The following RELN variants were observed in gnomAD, a reference collection of about 807,000 sequenced individuals.
RELN encodes the protein reelin.
Under a neutral mutation model 427.6 loss-of-function variants are expected in RELN, and 108 were observed. The ratio of observed to expected loss-of-function variants is 0.25; its 90% CI spans 0.22 to 0.30. The LOEUF (loss-of-function observed/expected upper bound fraction) is 0.30. Among genes scored for constraint, RELN ranks in the 10% least tolerant of loss-of-function variants. The probability of loss-of-function intolerance (pLI) is 1.00; values close to 1 mark genes in which losing one functional copy is unlikely to be tolerated. For missense variants in RELN, 3,715 were observed against 4,302.8 expected, an observed-to-expected ratio of 0.86 and a Z score of 3.82; for synonymous variants, 1,524 against 1,513.4, an observed-to-expected ratio of 1.01 and a Z score of -0.16.
chr7:103,972,429 AT>A (rs1410558080), intron 1 of RELN, among the ~76,000 whole-genome samples: 1 of 152,242 alleles, frequency 6.6e-6, no homozygotes, highest in African/African-American at 2.4e-5. Flanking sequence ...ATTTCACTGG[AT>A]CTCATAACTA....
At chr7:103,810,546 C>T (rs921638341) in intron 3 of RELN, among the ~76,000 whole-genome samples, 1 of 152,142 alleles carries the variant, frequency 6.6e-6, no homozygotes, top group East Asian at 1.9e-4. Context: ...TCAGCAGAGC[C>T]GATCACAGGA....
intron 5 of RELN, among the ~76,000 whole-genome samples, chr7:103,752,370 G>A (rs1562991493): frequency 6.6e-6 from 1 of 152,100 alleles, no homozygotes; most frequent in Non-Finnish European, 1.5e-5. Context: ...AAAATCCATG[G>A]TGCCATTTTA....
At chr7:103,704,915 A>G (rs1834168445) in intron 8 of RELN, among the ~76,000 whole-genome samples, 1 of 152,134 alleles carries the variant, frequency 6.6e-6, no homozygotes, top group South Asian at 2.1e-4. Context: ...TTGCCAAATC[A>G]ACAGATTGCT....
intron 4 of RELN, among the ~76,000 whole-genome samples, chr7:103,774,134 A>G (rs1022576436): frequency 2.0e-5 from 3 of 151,934 alleles, no homozygotes; most frequent in Non-Finnish European, 2.9e-5. Flanking sequence ...CGTCTCTACT[A>G]AAAATACAAA....
intron 2 of RELN, among the ~76,000 whole-genome samples, chr7:103,909,734 AAT>A (rs1218599122): frequency 6.5e-5 from 2 of 30,590 alleles, no homozygotes; most frequent in Non-Finnish European, 6.0e-5. Flanking sequence ...TATATTTTTT[AAT>A]ATATATAAAT....
chr7:103,693,200 T>C (rs1334494179), intron 10 of RELN, among the ~76,000 whole-genome samples: 1 of 152,038 alleles, frequency 6.6e-6, no homozygotes, highest in Admixed American at 6.5e-5. Context: ...TGCAGGGACA[T>C]GGATGAAGCT....
intron 6 of RELN, among the ~76,000 whole-genome samples, chr7:103,737,446 G>A (rs1424897129): frequency 6.6e-6 from 1 of 152,302 alleles, no homozygotes; most frequent in East Asian, 1.9e-4. Context: ...AAATGGAGGA[G>A]TCTTCTGTTT....
intron 2 of RELN, among the ~76,000 whole-genome samples, chr7:103,866,345 G>C (rs1794196871): frequency 6.6e-6 from 1 of 151,988 alleles, no homozygotes; most frequent in African/African-American, 2.4e-5. Flanking sequence ...TTGCCTTTCT[G>C]GTTCTCCCAA....
chr7:103,673,325 C>G (rs1833435984), intron 11 of RELN, among the ~76,000 whole-genome samples: 1 of 151,902 alleles, frequency 6.6e-6, no homozygotes, highest in South Asian at 2.1e-4. Context: ...TTAAAGTTTT[C>G]TATTAACATT....
At chr7:103,769,370 G>C (rs1791508749) in intron 4 of RELN, among the ~76,000 whole-genome samples, 1 of 152,144 alleles carries the variant, frequency 6.6e-6, no homozygotes, top group Non-Finnish European at 1.5e-5. Flanking sequence ...TGAGGATACA[G>C]CATTCCTCCT....
At chr7:103,795,189 G>T (rs1240185609) in intron 3 of RELN, among the ~76,000 whole-genome samples, 1 of 152,178 alleles carries the variant, frequency 6.6e-6, no homozygotes, top group African/African-American at 2.4e-5. Context: ...GGGCAAAAGA[G>T]AAAAGAAAGA....
At chr7:103,514,814 T>C (rs1250373358) in intron 50 of RELN, among the ~76,000 whole-genome samples, 2 of 152,202 alleles carry the variant, frequency 1.3e-5, no homozygotes, top group South Asian at 2.1e-4. Context: ...ACACAATATT[T>C]GTCTTCAGAT....
At position 103,626,840 on chromosome 7, in the gene RELN, G is replaced by C. The variant is rs1832340610; in HGVS notation, c.2702+3100C>G. On this transcript the variant is annotated intron_variant, in intron 20 of 64. Coordinates refer to ENST00000428762, the MANE Select transcript of RELN (RefSeq NM_005045.4). This position sits in a 1 kb window ranked among gnomAD's most constrained non-coding sequence, Gnocchi z 4.4. ...TACTGATCTTAAAGTATATGTAAGA[G>C]GTTTTAAGGAATATTAGAACCTAAA... 6.6e-6 allele frequency among the ~76,000 whole-genome samples: 1 copy of C among 152,084 alleles called. No homozygotes were observed. Among genetic ancestry groups the C allele is most frequent in the African/African-American group, 2.4e-5 (1 of 41,452 alleles).
intron 1 of RELN, among the ~76,000 whole-genome samples, chr7:103,979,855 G>A (rs1179143127): frequency 6.6e-6 from 1 of 152,088 alleles, no homozygotes; most frequent in Non-Finnish European, 1.5e-5. Flanking sequence ...GAGAGAACAC[G>A]TTTCTTCATT....
Position 103,515,305 on chromosome 7 carries a change from T to G in RELN, c.7999A>C (p.Arg2667=). 1 of 1,614,138 alleles carries G rather than the reference T, an allele frequency of 6.2e-7. No homozygotes were observed. The highest frequency in any genetic ancestry group is 8.5e-7 in the Non-Finnish European group (1 of 1,180,014). ...NVLISGSADQ[R]TVMLDTFSSA... ...CTGAAGGTGTCCAGCATAACGGTCC[T>G]TTGGTCAGCAGAGCCTGAGATGAGG... Residue 2667 remains arginine (R), a synonymous_variant, in exon 50 of 65, where the codon AGG becomes CGG. Transcript: ENST00000428762.
chr7:103,918,469 T>G (rs1285191104), intron 1 of RELN, among the ~76,000 whole-genome samples: 2 of 152,196 alleles, frequency 1.3e-5, no homozygotes, highest in Non-Finnish European at 2.9e-5. Context: ...CTAAAATGTT[T>G]TGATGCTGTC....
chr7:103,677,838 C>T (rs939519909), intron 11 of RELN, among the ~76,000 whole-genome samples: 3 of 151,138 alleles, frequency 2.0e-5, no homozygotes, highest in South Asian at 2.1e-4. Context: ...TCCTTATAGC[C>T]CCACCCTGAT....
At position 103,566,608 on chromosome 7, in the gene RELN, C is replaced by T. The variant is rs377118940; in HGVS notation, c.4740G>A (p.Pro1580=). 28 of 1,613,996 alleles carry T rather than the reference C, an allele frequency of 1.7e-5. No individual in the cohort carries two copies. Among genetic ancestry groups the T allele is most frequent in the Middle Eastern group, 1.7e-4 (1 of 6,056 alleles). ...GAGTGAGCAGTAACTTACCATGTTG[C>T]GGTTGCCACCATCGAAATGCCGTTG... The part of the protein sequence containing the change: ...TPATAFRWWQ[P]QHGKHSAQWA... Residue 1580 remains proline, a synonymous_variant, in exon 32 of 65, where the codon CCG becomes CCA. Coordinates refer to ENST00000428762, the MANE Select transcript of RELN (RefSeq NM_005045.4).
intron 3 of RELN, among the ~76,000 whole-genome samples, chr7:103,826,319 A>AGT (rs768090469): frequency 0.021 from 2,902 of 137,552 alleles, 66 homozygotes; most frequent in African/African-American, 0.054. Flanking sequence ...AGACTAAGAC[A>AGT]ATGTGTGTGT....
Sources: gnomAD v4.1 joint callset for allele counts (sites outside exome capture counted in the v4.1 genomes callset) on GRCh38, gnomAD v4.1.1 for gene constraint, Gnocchi (gnomAD v3.1) non-coding constraint, MANE v1.5 for transcripts, NCBI Gene and HGNC (gene_info 2026-07-23, HGNC 2026-07-21) for gene names.